The following DHRSX variants were observed in gnomAD, a reference collection of about 807,000 sequenced individuals.
DHRSX encodes polyprenol dehydrogenase.
DHRSX carries 31 observed loss-of-function variants against 34.0 expected under a neutral mutation model. The observed-to-expected ratio is 0.91, with a 90% CI of 0.69 to 1.23. The LOEUF is 1.23. Ranked by LOEUF, DHRSX falls within the 50% of genes most tolerant of loss-of-function variation. The pLI, the probability that DHRSX is intolerant of heterozygous loss-of-function variation, is 0.00. For missense variants in DHRSX, 414 were observed against 428.1 expected (o/e 0.97, Z 0.29); for synonymous variants, 201 against 183.8 (o/e 1.09, Z -0.76).
intron 6 of DHRSX, among the ~76,000 whole-genome samples, chrX:2,224,534 T>C (rs931063293): frequency 2.0e-5 from 3 of 152,170 alleles, no homozygotes; most frequent in African/African-American, 7.2e-5. Flanking sequence ...GCTGAAAATG[T>C]AGGTATTTCT....
chrX:2,381,513 TC>T (rs1336443239), intron 3 of DHRSX, among the ~76,000 whole-genome samples: 5 of 151,694 alleles, frequency 3.3e-5, no homozygotes, highest in Admixed American at 2.0e-4. Flanking sequence ...TCCCAGCTAC[TC>T]AGGAGGCTGA....
chrX:2,358,101 T>G (rs1264711242), intron 3 of DHRSX, among the ~76,000 whole-genome samples: 1 of 152,170 alleles, frequency 6.6e-6, no homozygotes, highest in African/African-American at 2.4e-5. Context: ...TTGTTCTAAT[T>G]TAATTTCTGA....
intron 3 of DHRSX, among the ~76,000 whole-genome samples, chrX:2,317,762 A>G (rs1287406989): frequency 2.6e-5 from 4 of 152,186 alleles, no homozygotes; most frequent in African/African-American, 7.2e-5. Flanking sequence ...CGTTCATTTC[A>G]TGCACAGTAA....
At chrX:2,392,417 G>A in intron 3 of DHRSX, 1 of 292,096 alleles carries the variant, frequency 3.4e-6, no homozygotes. Flanking sequence ...TGAGGTGGGA[G>A]GATCGCTTGA....
chrX:2,318,942 A>G (rs1211275823), intron 3 of DHRSX, among the ~76,000 whole-genome samples: 1 of 152,108 alleles, frequency 6.6e-6, no homozygotes, highest in African/African-American at 2.4e-5. Flanking sequence ...TGTTTTCTAT[A>G]ATAATTTCAT....
chrX:2,349,340 A>AC (rs2042758254), intron 3 of DHRSX, among the ~76,000 whole-genome samples: 1 of 150,628 alleles, frequency 6.6e-6, no homozygotes, highest in Non-Finnish European at 1.5e-5. Context: ...GTCTCAAACA[A>AC]AAAAAAAAGA....
chrX:2,370,865 C>A (rs2043050035), intron 3 of DHRSX, among the ~76,000 whole-genome samples: 1 of 152,110 alleles, frequency 6.6e-6, no homozygotes, highest in Non-Finnish European at 1.5e-5. Context: ...AGGACCTGCT[C>A]AAAATTAGCT....
intron 6 of DHRSX, among the ~76,000 whole-genome samples, chrX:2,230,193 ATATG>A (rs1229812503): frequency 7.2e-6 from 1 of 138,012 alleles, no homozygotes; most frequent in Non-Finnish European, 1.5e-5. Context: ...GTTTGCATCT[ATATG>A]TGTGTATTTG....
chrX:2,401,182 T>G (rs952339310), intron 3 of DHRSX, among the ~76,000 whole-genome samples: 9 of 148,782 alleles, frequency 6.0e-5, no homozygotes, highest in African/African-American at 2.2e-4. Flanking sequence ...TGATCTCGGC[T>G]CACCGCAAAC....
chrX:2,422,773 G>C (rs2043796775), intron 2 of DHRSX, among the ~76,000 whole-genome samples: 1 of 150,888 alleles, frequency 6.6e-6, no homozygotes. Context: ...GCAAGACCCA[G>C]TATCTCCAAA....
chrX:2,242,408 C>T (rs866504428), intron 6 of DHRSX, among the ~76,000 whole-genome samples: 2 of 152,176 alleles, frequency 1.3e-5, no homozygotes, highest in East Asian at 1.9e-4. Context: ...ACACCGCACA[C>T]GCAGCCTGGA....
At chrX:2,366,756 C>T (rs368059057) in intron 3 of DHRSX, among the ~76,000 whole-genome samples, 8 of 137,738 alleles carry the variant, frequency 5.8e-5, no homozygotes, top group South Asian at 2.4e-4. Context: ...CCATCATACC[C>T]GGATAATTTT....
Position 2,346,721 on chromosome X carries a change from C to G in DHRSX, c.287-55118G>C, listed in dbSNP as rs62583728. Among the ~76,000 whole-genome samples, 532 of 151,542 alleles carry G rather than the reference C, an allele frequency of 3.5e-3. 6 individuals carry two copies. Among genetic ancestry groups the G allele is most frequent in the South Asian group, 0.017 (81 of 4,796 alleles). ...CAGAACATGCAGGTTACATAGGTAT[C>G]CATGTGCCATGGTGGTTTGCTGCAC... is the stretch of plus-strand genomic sequence containing the variant. On this transcript the variant is annotated intron_variant, in intron 3 of 6. Coordinates refer to ENST00000334651, the MANE Select transcript of DHRSX (RefSeq NM_145177.3).
At chrX:2,434,607 G>T (rs1305141155) in intron 1 of DHRSX, among the ~76,000 whole-genome samples, 1 of 152,200 alleles carries the variant, frequency 6.6e-6, no homozygotes, top group African/African-American at 2.4e-5. Context: ...GGAGGTCGAG[G>T]CTGCGGCAAG....
chrX:2,231,522 T>C (rs2015877888), intron 6 of DHRSX, among the ~76,000 whole-genome samples: 1 of 148,918 alleles, frequency 6.7e-6, no homozygotes, highest in Non-Finnish European at 1.5e-5. Flanking sequence ...CTTTCCCCCT[T>C]ATCCTCCTCC....
chrX:2,355,193 T>C (rs116235902), intron 3 of DHRSX, among the ~76,000 whole-genome samples: 2,297 of 151,744 alleles, frequency 0.015, 65 homozygotes, highest in African/African-American at 0.052. Context: ...TAAAGGTAAA[T>C]AGAAACGAAA....
At chrX:2,369,940 G>T (rs2043037644) in intron 3 of DHRSX, among the ~76,000 whole-genome samples, 2 of 152,002 alleles carry the variant, frequency 1.3e-5, no homozygotes, top group African/African-American at 4.8e-5. Context: ...CCTGTGCCCG[G>T]CCCGGACTCC....
Position 2,236,422 on chromosome X carries a change from C to G in DHRSX, c.804+6601G>C, listed in dbSNP as rs751944885. ...AAGTCCCTGGTGGCTCTACCTGGAG[C>G]AATTTCTTCTTATTTTTTCTTTTTT... On this transcript the variant is annotated intron_variant, in intron 6 of 6. Transcript: ENST00000334651. Among the ~76,000 whole-genome samples, 238 of 152,056 alleles carry G rather than the reference C, an allele frequency of 1.6e-3. 1 individual carries two copies. The highest frequency in any genetic ancestry group is 5.6e-3 in the African/African-American group (233 of 41,526).
intron 3 of DHRSX, among the ~76,000 whole-genome samples, chrX:2,308,763 G>A (rs1043562062): frequency 7.3e-5 from 11 of 151,442 alleles, no homozygotes; most frequent in Admixed American, 1.3e-4. Flanking sequence ...AGGAAAGGAT[G>A]GGTGGAAAGA....
Sources: gnomAD v4.1 joint callset for allele counts (sites outside exome capture counted in the v4.1 genomes callset) on GRCh38, gnomAD v4.1.1 for gene constraint, MANE v1.5 for transcripts, NCBI Gene and HGNC (gene_info 2026-07-23, HGNC 2026-07-21) for gene names.